SIPA1L3: variants seen among roughly 807,000 people sequenced by gnomAD.
The protein encoded by SIPA1L3 is signal-induced proliferation-associated 1-like protein 3.
SIPA1L3 carries 59 observed loss-of-function variants against 150.1 expected under a neutral mutation model. That is an observed-to-expected ratio of 0.39 (90% CI 0.32 to 0.49). The LOEUF (loss-of-function observed/expected upper bound fraction) is 0.49, where lower values mean the gene tolerates loss of function less well. Ranked by LOEUF, SIPA1L3 falls within the 20% of genes least tolerant of loss-of-function variation. The pLI is 0.86. For missense variants in SIPA1L3, 2,211 were observed against 2,489.5 expected (o/e 0.89, Z 2.38); for synonymous variants, 1,070 against 1,077.6 (o/e 0.99, Z 0.14).
At chr19:38,116,683 A>C (rs1412189632) in intron 8 of SIPA1L3, among the ~76,000 whole-genome samples, 1 of 146,224 alleles carries the variant, frequency 6.8e-6, no homozygotes, top group Admixed American at 6.8e-5. Flanking sequence ...CCCCATCCCC[A>C]TCTCTACCAA....
At chr19:38,133,627 A>G (rs1971366334) in intron 10 of SIPA1L3, among the ~76,000 whole-genome samples, 1 of 152,132 alleles carries the variant, frequency 6.6e-6, no homozygotes, top group African/African-American at 2.4e-5. Flanking sequence ...AATGAATGAG[A>G]TGATTTTATA....
At chr19:37,972,405 G>A (rs1026082690) in intron 1 of SIPA1L3, among the ~76,000 whole-genome samples, 6 of 152,238 alleles carry the variant, frequency 3.9e-5, no homozygotes, top group African/African-American at 9.6e-5. Context: ...ATTTTGAGAC[G>A]TTTGTAAGAA....
At chr19:38,057,630 G>T (rs1197952746) in intron 2 of SIPA1L3, among the ~76,000 whole-genome samples, 1 of 150,510 alleles carries the variant, frequency 6.6e-6, no homozygotes, top group Non-Finnish European at 1.5e-5. Context: ...TAGCATTCCT[G>T]GTTCAGAGGG....
In SIPA1L3 at chr19:38,000,977, ATAAC is replaced by A. The variant is rs201804038; in HGVS notation, c.-378-28111_-378-28108del. Reference sequence around the variant, plus strand: ...CACATATAACACATATATAACATATATAACACACATATATATAACACATCAATCA... The same window carrying A: ...CACATATAACACATATATAACATATAACACATATATATAACACATCAATCA... On this transcript the variant is annotated intron_variant, in intron 1 of 21. Coordinates refer to ENST00000222345, the MANE Select transcript of SIPA1L3 (RefSeq NM_015073.3). 1.8e-3 allele frequency among the ~76,000 whole-genome samples: 244 copies of A among 137,582 alleles called. 1 individual carries two copies. The East Asian group carries it at 0.019, about 11-fold the overall frequency. 90.3% of individuals were successfully genotyped at this position (137,582 alleles called of 152,430 possible). A position where few individuals can be genotyped will look rare whatever the true frequency, so the allele number is the denominator to read the frequency against.
chr19:38,203,464 G>A (rs549441138), intron 20 of SIPA1L3, among the ~76,000 whole-genome samples: 11 of 151,770 alleles, frequency 7.2e-5, no homozygotes, highest in Non-Finnish European at 1.3e-4. Flanking sequence ...AGGGCTGCGC[G>A]TTCTCTGCAG....
At chr19:38,049,642 A>G (rs1406524557) in intron 2 of SIPA1L3, among the ~76,000 whole-genome samples, 4 of 151,866 alleles carry the variant, frequency 2.6e-5, no homozygotes, top group Non-Finnish European at 4.4e-5. Context: ...CTCTCTCCCC[A>G]GGGGTGGGAT....
At chr19:38,162,159 G>A (rs181249673) in intron 13 of SIPA1L3, 94 bp from the exon 14 acceptor site, 14 of 892,464 alleles carry the variant, frequency 1.6e-5, no homozygotes, top group South Asian at 1.1e-4. Flanking sequence ...GGGTCATGCC[G>A]TGGGTGAGCA....
chr19:37,950,721 G>A (rs780144487), intron 1 of SIPA1L3, among the ~76,000 whole-genome samples: 2 of 152,206 alleles, frequency 1.3e-5, no homozygotes, highest in Non-Finnish European at 1.5e-5. Flanking sequence ...TGCTCCCTCC[G>A]CTGCGAGCCC....
chr19:38,169,643 G>T (rs1384734483), intron 15 of SIPA1L3, among the ~76,000 whole-genome samples: 2 of 152,200 alleles, frequency 1.3e-5, no homozygotes, highest in African/African-American at 4.8e-5. Flanking sequence ...GGGTATGAGG[G>T]TGTATTTGAA....
chr19:37,940,994 A>G (rs1232590577), intron 1 of SIPA1L3, among the ~76,000 whole-genome samples: 1 of 149,904 alleles, frequency 6.7e-6, no homozygotes, highest in Non-Finnish European at 1.5e-5. Context: ...GCAGTGTTTA[A>G]CTTATTCTTC....
At chr19:38,071,992 C>G (rs772313982) in intron 2 of SIPA1L3, among the ~76,000 whole-genome samples, 9 of 152,196 alleles carry the variant, frequency 5.9e-5, no homozygotes, top group Non-Finnish European at 7.3e-5. Flanking sequence ...GTTTGGAACT[C>G]AGAAGAGCAG....
rs1422284214 is a variant in SIPA1L3 at position 38,097,062 on chromosome 19, T to TGC, written c.1666-2899_1666-2898dup. 8.5e-5 allele frequency among the ~76,000 whole-genome samples: 13 copies of TGC among 152,214 alleles called. No individual in the cohort carries two copies. In the East Asian group the frequency reaches 2.1e-3, roughly 25 times the overall value. Reference sequence around the variant, plus strand: ...AGCTAGATAACAAAAGAATACAAACTGCCTGGCTGGGCGCAGTGGCTCACA... The same window carrying TGC: ...AGCTAGATAACAAAAGAATACAAACTGCGCCTGGCTGGGCGCAGTGGCTCACA... On this transcript the variant is annotated intron_variant, in intron 4 of 21. Coordinates refer to ENST00000222345, the MANE Select transcript of SIPA1L3 (RefSeq NM_015073.3).
At chr19:38,170,344 G>A (rs918399532) in intron 15 of SIPA1L3, among the ~76,000 whole-genome samples, 2 of 152,208 alleles carry the variant, frequency 1.3e-5, no homozygotes, top group African/African-American at 2.4e-5. Flanking sequence ...GTGGCCACAC[G>A]TGCCTCTGCC....
chr19:38,185,897 G>A (rs1972665867), intron 16 of SIPA1L3: 1 of 152,092 alleles, frequency 6.6e-6, no homozygotes, highest in Admixed American at 6.6e-5. Context: ...TTTTTGTGGG[G>A]CCCCAGTTCA....
At chr19:38,184,220 C>A (rs996138718) in intron 16 of SIPA1L3, among the ~76,000 whole-genome samples, 1 of 151,960 alleles carries the variant, frequency 6.6e-6, no homozygotes, top group East Asian at 1.9e-4. Context: ...TTCTTGTTGC[C>A]CAGGCTGGAG....
intron 9 of SIPA1L3, among the ~76,000 whole-genome samples, chr19:38,128,046 CTTTTTTTTTT>C (rs34053188): frequency 1.1e-4 from 7 of 66,548 alleles, no homozygotes; most frequent in South Asian, 7.0e-4. Context: ...CCTTGGGCCT[CTTTTTTTTTT>C]TTTTTTTTTT....
Position 38,081,658 on chromosome 19 carries a change from A to G in SIPA1L3, c.93A>G (p.Thr31=), listed in dbSNP as rs1415713158. Residue 31 remains threonine, a synonymous_variant, in exon 3 of 22, where the codon ACA becomes ACG. Coordinates refer to ENST00000222345, the MANE Select transcript of SIPA1L3 (RefSeq NM_015073.3). ...GCGATGTCCTCCCTGGGCCACACAC[A>G]GGGGACTACGCTCCCTTGGGATTCT... is the stretch of plus-strand genomic sequence containing the variant. ...RVGDVLPGPH[T]GDYAPLGFWA... is the part of the protein sequence containing the mutation. The G allele has an allele frequency of 6.2e-7, 1 of 1,611,832 alleles. No homozygotes were observed. The highest frequency in any genetic ancestry group is 8.5e-7 in the Non-Finnish European group (1 of 1,179,352).
intron 1 of SIPA1L3, among the ~76,000 whole-genome samples, chr19:37,945,667 G>A (rs141523330): frequency 6.6e-6 from 1 of 152,224 alleles, no homozygotes. Flanking sequence ...TGTGGGTCAA[G>A]GTCTGTGGCA....
chr19:38,085,902 C>T (rs947873671), intron 3 of SIPA1L3, among the ~76,000 whole-genome samples: 15 of 151,682 alleles, frequency 9.9e-5, no homozygotes, highest in South Asian at 8.3e-4. Context: ...AGGCTGAGGC[C>T]GGAGAATCGC....
Sources: allele counts gnomAD v4.1 joint callset (sites outside exome capture counted in the v4.1 genomes callset), GRCh38; gene constraint gnomAD v4.1.1; transcripts MANE v1.5; gene names NCBI Gene and HGNC (gene_info 2026-07-23, HGNC 2026-07-21).